The following DLG2 variants were observed in gnomAD, a reference collection of about 807,000 sequenced individuals.
The protein encoded by DLG2 is disks large homolog 2.
Under a neutral mutation model 132.5 loss-of-function variants are expected in DLG2, and 45 were observed. That is an observed-to-expected ratio of 0.34 (90% CI 0.27 to 0.44). The LOEUF (loss-of-function observed/expected upper bound fraction) is 0.44. Ranked by LOEUF, DLG2 falls within the 20% of genes least tolerant of loss-of-function variation. DLG2 has a pLI of 1.00. For missense variants in DLG2, 1,045 were observed against 1,196.9 expected (o/e 0.87, Z 1.87); for synonymous variants, 424 against 419.6 (o/e 1.01, Z -0.13).
intron 3 of DLG2, among the ~76,000 whole-genome samples, chr11:85,304,676 ACTT>A (rs2079823561): frequency 6.6e-6 from 1 of 152,124 alleles, no homozygotes; most frequent in Non-Finnish European, 1.5e-5. Context: ...AATCCAAAAC[ACTT>A]CTGGTTGAAA....
intron 6 of DLG2, among the ~76,000 whole-genome samples, chr11:85,025,120 G>A (rs495399): frequency 0.11 from 16,202 of 152,166 alleles, 949 homozygotes; most frequent in South Asian, 0.21. Context: ...TAAATTAAAC[G>A]TATTCTATAA....
intron 21 of DLG2, among the ~76,000 whole-genome samples, chr11:83,511,087 G>GACACACACACACACAC (rs60156321): frequency 0.097 from 13,451 of 138,254 alleles, 731 homozygotes; most frequent in East Asian, 0.18. Flanking sequence ...CACACACACA[G>GACACACACACACACAC]ACACACACAC....
At chr11:84,338,088 A>T (rs1306004419) in intron 7 of DLG2, among the ~76,000 whole-genome samples, 4 of 152,230 alleles carry the variant, frequency 2.6e-5, no homozygotes, top group Non-Finnish European at 4.4e-5. Flanking sequence ...GGTACCAAAA[A>T]AAAATAAGAG....
At chr11:85,363,888 C>T (rs1055608341) in intron 3 of DLG2, among the ~76,000 whole-genome samples, 11 of 152,164 alleles carry the variant, frequency 7.2e-5, no homozygotes, top group African/African-American at 2.7e-4. Flanking sequence ...TTGTATATTA[C>T]AAGTTGACAG....
chr11:84,788,886 T>G (rs1308999917), intron 6 of DLG2, among the ~76,000 whole-genome samples: 1 of 152,098 alleles, frequency 6.6e-6, no homozygotes, highest in Non-Finnish European at 1.5e-5. Flanking sequence ...TTTTCCAGCC[T>G]CATCACTAAA....
chr11:84,282,290 A>T (rs2097861440), intron 7 of DLG2, among the ~76,000 whole-genome samples: 1 of 152,216 alleles, frequency 6.6e-6, no homozygotes, highest in Non-Finnish European at 1.5e-5. Context: ...CTTATATAAA[A>T]TTATAGAAAA....
rs374289386 is a variant in DLG2, at chr11:85,198,438, T to C, written c.187-43787A>G. On this transcript the variant is annotated intron_variant, in intron 4 of 27. Transcript: ENST00000376104. The stretch of plus-strand genomic sequence containing the variant: ...AGCTATTAAATTTCCACAAGTGGCA[T>C]ACTAACAACCCAGACATTACTTATA... 4.4e-4 allele frequency among the ~76,000 whole-genome samples: 67 copies of C among 152,272 alleles called. 1 individual carries two copies. In the East Asian group the frequency reaches 0.011, roughly 26 times the overall value.
At chr11:83,572,144 G>A (rs2096806938) in intron 19 of DLG2, among the ~76,000 whole-genome samples, 1 of 151,808 alleles carries the variant, frequency 6.6e-6, no homozygotes, top group Admixed American at 6.6e-5. Flanking sequence ...ATTTTTTAAT[G>A]TTAAAAATAT....
chr11:84,600,553 G>A (rs1382192398), intron 6 of DLG2, among the ~76,000 whole-genome samples: 1 of 152,130 alleles, frequency 6.6e-6, no homozygotes, highest in Non-Finnish European at 1.5e-5. Flanking sequence ...CTGGTTATGA[G>A]GATATGACTA....
At chr11:84,164,195 A>G (rs866033510) in intron 8 of DLG2, among the ~76,000 whole-genome samples, 1 of 152,318 alleles carries the variant, frequency 6.6e-6, no homozygotes, top group African/African-American at 2.4e-5. Context: ...AGAGAAATAC[A>G]TTTTAAATAC....
rs552949672 is a variant in DLG2, at chr11:84,324,479, T to C, written c.520-73188A>G. ...TAATATATTTTTAAATCAGGAGGTATCAAGTTTTCAGATTTACTCTTCTTT... is the reference window on the plus strand; with the variant it reads ...TAATATATTTTTAAATCAGGAGGTACCAAGTTTTCAGATTTACTCTTCTTT... On this transcript the variant is annotated intron_variant, in intron 7 of 27. Transcript: ENST00000376104. Among the ~76,000 whole-genome samples the C allele has an allele frequency of 3.9e-5, 6 of 152,236 alleles. No homozygotes were observed. In the East Asian group the frequency reaches 1.2e-3, roughly 29 times the overall value.
At chr11:85,566,224 C>G (rs1403454516) in intron 3 of DLG2, among the ~76,000 whole-genome samples, 1 of 152,056 alleles carries the variant, frequency 6.6e-6, no homozygotes, top group African/African-American at 2.4e-5. Flanking sequence ...CCATAGAATT[C>G]TTTACATATT....
chr11:84,677,885 T>C (rs1595565608), intron 6 of DLG2, among the ~76,000 whole-genome samples: 1 of 152,048 alleles, frequency 6.6e-6, no homozygotes, highest in East Asian at 1.9e-4. Context: ...TGAGACTCTG[T>C]CTCAAAAATA....
At chr11:84,913,868 A>C (rs1189201622) in intron 6 of DLG2, among the ~76,000 whole-genome samples, 1 of 152,240 alleles carries the variant, frequency 6.6e-6, no homozygotes, top group Non-Finnish European at 1.5e-5. Flanking sequence ...GAAAAAGTGC[A>C]GTTCATAAAT....
At chr11:84,135,046 A>T (rs2154222579) in intron 9 of DLG2, among the ~76,000 whole-genome samples, 1 of 152,266 alleles carries the variant, frequency 6.6e-6, no homozygotes, top group East Asian at 1.9e-4. Flanking sequence ...TATCTAATAT[A>T]TTACTTATCT....
At chr11:84,677,205 T>G (rs970754952) in intron 6 of DLG2, among the ~76,000 whole-genome samples, 12 of 152,102 alleles carry the variant, frequency 7.9e-5, no homozygotes, top group Non-Finnish European at 1.2e-4. Context: ...GGTGGGACAA[T>G]GAATCTGCCT....
At chr11:84,376,942 G>A (rs1263436217) in intron 7 of DLG2, among the ~76,000 whole-genome samples, 1 of 151,902 alleles carries the variant, frequency 6.6e-6, no homozygotes, top group Non-Finnish European at 1.5e-5. Flanking sequence ...TTGAAAAAAT[G>A]TTAAAAGGCA....
intron 6 of DLG2, among the ~76,000 whole-genome samples, chr11:84,899,948 C>T (rs2090687796): frequency 1.3e-5 from 2 of 151,984 alleles, no homozygotes; most frequent in Non-Finnish European, 2.9e-5. Context: ...TCAATAGTAC[C>T]TTAGTGGCCT....
intron 6 of DLG2, among the ~76,000 whole-genome samples, chr11:84,802,620 A>G (rs1444299991): frequency 6.7e-6 from 1 of 148,652 alleles, no homozygotes; most frequent in Admixed American, 6.7e-5. Flanking sequence ...ACCCAATTAG[A>G]CAACCAGAAA....
Sources: allele counts gnomAD v4.1 joint callset (sites outside exome capture counted in the v4.1 genomes callset), GRCh38; gene constraint gnomAD v4.1.1; transcripts MANE v1.5; gene names NCBI Gene and HGNC (gene_info 2026-07-23, HGNC 2026-07-21).